The following PCSK6 variants were observed in gnomAD, a reference collection of about 807,000 sequenced individuals.
The protein encoded by PCSK6 is proprotein convertase subtilisin/kexin type 6.
A neutral mutation model predicts 123.3 loss-of-function variants in PCSK6; 85 were observed. The ratio of observed to expected loss-of-function variants is 0.69; its 90% confidence interval spans 0.58 to 0.83. PCSK6 has a LOEUF of 0.83. Among genes scored for constraint, PCSK6 ranks in the 40% least tolerant of loss-of-function variants. The pLI, the probability that PCSK6 is intolerant of heterozygous loss-of-function variation, is 0.00. For missense variants in PCSK6, 1,191 were observed against 1,282.3 expected (o/e 0.93, Z 1.09); for synonymous variants, 508 against 516.0 (o/e 0.98, Z 0.21).
intron 6 of PCSK6, among the ~76,000 whole-genome samples, chr15:101,412,567 A>G (rs2055726999): frequency 6.6e-6 from 1 of 151,790 alleles, no homozygotes; most frequent in African/African-American, 2.4e-5. Context: ...GTCTCAGCAA[A>G]GAAATACACG....
intron 1 of PCSK6, among the ~76,000 whole-genome samples, chr15:101,460,136 A>C (rs2141203268): frequency 6.6e-6 from 1 of 151,818 alleles, no homozygotes; most frequent in East Asian, 1.9e-4. Context: ...CCTGCCCAGG[A>C]AGACCCCCCA....
intron 9 of PCSK6, among the ~76,000 whole-genome samples, chr15:101,386,523 T>C (rs967014112): frequency 5.3e-5 from 8 of 152,214 alleles, no homozygotes; most frequent in Non-Finnish European, 1.0e-4. Context: ...CCATCGCTCC[T>C]TCTGCAGCCC....
chr15:101,411,395 G>A (rs931973048), intron 6 of PCSK6, among the ~76,000 whole-genome samples: 11 of 152,034 alleles, frequency 7.2e-5, no homozygotes, highest in Non-Finnish European at 1.3e-4. Context: ...CCCTGGGAGC[G>A]GGGAGTCCGC....
intron 13 of PCSK6, among the ~76,000 whole-genome samples, chr15:101,340,736 A>G (rs984764546): frequency 1.3e-5 from 2 of 152,058 alleles, no homozygotes; most frequent in Admixed American, 6.5e-5. Context: ...CTCTTACACT[A>G]TCTTCCACAT....
In PCSK6 at chr15:101,350,070, G is replaced by A. The variant is rs143221965; in HGVS notation, c.1858+16126C>T. Among the ~76,000 whole-genome samples, 1,363 of 151,970 alleles carry A rather than the reference G, an allele frequency of 9.0e-3. 18 individuals are homozygous for A. Among genetic ancestry groups the A allele is most frequent in the African/African-American group, 0.031 (1,288 of 41,472 alleles). ...ACTACAGGTGCACGCCACCATGCCC[G>A]GCTAATTTTTGTATTTTTATAGAGA... On this transcript the variant is annotated intron_variant, in intron 13 of 21. Transcript: ENST00000611716.
At chr15:101,347,878 G>C in intron 13 of PCSK6, 2 of 837,872 alleles carry the variant, frequency 2.4e-6, no homozygotes, top group Non-Finnish European at 4.1e-6. Flanking sequence ...GGAAGCGCCC[G>C]GGGTTGACAA....
At chr15:101,311,396 G>A (rs1041448240) in intron 20 of PCSK6, among the ~76,000 whole-genome samples, 6 of 151,522 alleles carry the variant, frequency 4.0e-5, no homozygotes, top group African/African-American at 1.5e-4. Context: ...CAAAGTGCTG[G>A]GATTACAGGC....
chr15:101,333,192 G>C (rs1315781916), intron 13 of PCSK6, among the ~76,000 whole-genome samples: 1 of 152,142 alleles, frequency 6.6e-6, no homozygotes, highest in African/African-American at 2.4e-5. Flanking sequence ...TTCAGAGCAG[G>C]GTTACTGTTT....
At chr15:101,443,887 C>A (rs746399730) in intron 1 of PCSK6, among the ~76,000 whole-genome samples, 1 of 152,202 alleles carries the variant, frequency 6.6e-6, no homozygotes, top group Non-Finnish European at 1.5e-5. Flanking sequence ...TCATATTTCC[C>A]ATGGACCACA....
At chr15:101,402,907 C>A (rs1222197019) in intron 6 of PCSK6, among the ~76,000 whole-genome samples, 1 of 152,060 alleles carries the variant, frequency 6.6e-6, no homozygotes, top group Non-Finnish European at 1.5e-5. Flanking sequence ...TTGACCCAGC[C>A]ATCCCATTAC....
At chr15:101,323,084 T>G (rs1871978) in intron 17 of PCSK6, among the ~76,000 whole-genome samples, 54 of 152,040 alleles carry the variant, frequency 3.6e-4, no homozygotes, top group Non-Finnish European at 6.5e-4. Context: ...TGGGGAAGTT[T>G]TGGGTCACCC....
intron 20 of PCSK6, among the ~76,000 whole-genome samples, chr15:101,310,472 A>G (rs990365479): frequency 6.6e-6 from 1 of 152,228 alleles, no homozygotes; most frequent in Non-Finnish European, 1.5e-5. Flanking sequence ...TCACTGTTTA[A>G]TTCCAAGTTC....
chr15:101,389,486 T>C lies in PCSK6; in HGVS notation c.1288A>G (p.Ile430Val), dbSNP rs2042162249. 1 of 1,613,156 alleles carries C rather than the reference T, an allele frequency of 6.2e-7. No homozygotes were observed. Residue 430 changes from isoleucine (I) to valine (V), a missense_variant, in exon 9 of 22, where the codon ATC (isoleucine) becomes GTC (valine). Physicochemically the swap from Ile to Val is conservative, Grantham distance 29 (BLOSUM62 3). Around this residue, in one of 3 missense-constraint regions of PCSK6, gnomAD observed 357 missense variants for 484.5 expected, o/e 0.74. Transcript: ENST00000611716. ...TACTTTGCTTCTAGAGCCAAGGCGA[T>C]GATGCCCGCCACCATGGGGGCAGAG... ...SVSAPMVAGI[I>V]ALALEANSQL...
intron 1 of PCSK6, among the ~76,000 whole-genome samples, chr15:101,482,091 G>C (rs534806649): frequency 6.6e-6 from 1 of 152,256 alleles, no homozygotes; most frequent in Non-Finnish European, 1.5e-5. Context: ...GTTCATTCTG[G>C]CAGAAGCCGA....
intron 13 of PCSK6, among the ~76,000 whole-genome samples, chr15:101,358,039 G>A (rs538400123): frequency 5.3e-5 from 8 of 152,276 alleles, no homozygotes; most frequent in South Asian, 2.1e-4. Flanking sequence ...GCAGGTCATC[G>A]CTGAGGACTG....
chr15:101,456,970 G>A (rs1596354076), intron 1 of PCSK6, among the ~76,000 whole-genome samples: 2 of 152,100 alleles, frequency 1.3e-5, no homozygotes, highest in East Asian at 1.9e-4. Context: ...TCGGGATTTC[G>A]AGACTAGCCT....
intron 1 of PCSK6, among the ~76,000 whole-genome samples, chr15:101,486,895 A>C (rs145611910): frequency 1.1e-3 from 165 of 152,364 alleles, no homozygotes; most frequent in African/African-American, 3.7e-3. Context: ...AACAGAGAAT[A>C]CGGCAGAAGC....
intron 6 of PCSK6, among the ~76,000 whole-genome samples, chr15:101,424,291 C>T (rs1596318857): frequency 6.8e-6 from 1 of 147,234 alleles, no homozygotes; most frequent in Admixed American, 6.8e-5. Flanking sequence ...AAGGGAACAA[C>T]AATAAGGATG....
At chr15:101,478,607 A>G (rs1043479231) in intron 1 of PCSK6, among the ~76,000 whole-genome samples, 1 of 151,886 alleles carries the variant, frequency 6.6e-6, no homozygotes, top group Non-Finnish European at 1.5e-5. Context: ...GCTCGTTCTG[A>G]GCTTCAGAGA....
Sources: gnomAD v4.1 joint callset for allele counts (sites outside exome capture counted in the v4.1 genomes callset) on GRCh38, gnomAD v4.1.1 for gene constraint, gnomAD v4.1.1 regional missense constraint, MANE v1.5 for transcripts, NCBI Gene and HGNC (gene_info 2026-07-23, HGNC 2026-07-21) for gene names.